SAMD4A: variants seen among roughly 807,000 people sequenced by gnomAD.
SAMD4A encodes sterile alpha motif domain containing 4A, also known as protein Smaug homolog 1.
SAMD4A carries 33 observed loss-of-function variants against 81.3 expected under a neutral mutation model. The observed-to-expected ratio is 0.41, with a 90% CI of 0.31 to 0.54. The LOEUF (loss-of-function observed/expected upper bound fraction) is 0.54. Among genes scored for constraint, SAMD4A ranks in the 20% least tolerant of loss-of-function variants. The pLI, the probability that SAMD4A is intolerant of heterozygous loss-of-function variation, is 0.37. For missense variants in SAMD4A, 854 were observed against 951.1 expected, an observed-to-expected ratio of 0.90 and a Z score of 1.34; for synonymous variants, 389 against 382.1, an observed-to-expected ratio of 1.02 and a Z score of -0.21.
intron 4 of SAMD4A, among the ~76,000 whole-genome samples, chr14:54,742,973 C>T (rs554017384): frequency 5.9e-5 from 9 of 152,264 alleles, no homozygotes; most frequent in East Asian, 1.9e-4. Context: ...TCTGAAATAG[C>T]GGGTTTGGGG....
intron 3 of SAMD4A, among the ~76,000 whole-genome samples, chr14:54,724,011 A>T (rs201859449): frequency 9.2e-5 from 12 of 130,094 alleles, no homozygotes; most frequent in East Asian, 3.2e-4. Context: ...GATGGATGGA[A>T]GGAAGGAAGG....
chr14:54,788,422 C>T (rs1215924716), intron 12 of SAMD4A, among the ~76,000 whole-genome samples: 2 of 152,154 alleles, frequency 1.3e-5, no homozygotes, highest in Non-Finnish European at 2.9e-5. Flanking sequence ...ACCCTCAGCT[C>T]CACCACCGGA....
intron 2 of SAMD4A, among the ~76,000 whole-genome samples, chr14:54,701,640 G>A (rs1433083558): frequency 6.6e-6 from 1 of 152,178 alleles, no homozygotes; most frequent in Non-Finnish European, 1.5e-5. Flanking sequence ...GTCTGGGGGA[G>A]GTGAAGCAGC....
chr14:54,725,525 A>T (rs1365007396), intron 3 of SAMD4A, among the ~76,000 whole-genome samples: 2 of 152,248 alleles, frequency 1.3e-5, no homozygotes, highest in East Asian at 3.8e-4. Context: ...TCTGTGAAAC[A>T]CTATCAAGTA....
chr14:54,786,597 C>G (rs1471136872), intron 12 of SAMD4A, among the ~76,000 whole-genome samples: 2 of 152,182 alleles, frequency 1.3e-5, no homozygotes, highest in East Asian at 3.8e-4. Context: ...CAGTGGCCAG[C>G]TGGGTGGGGG....
In SAMD4A at chr14:54,576,971, G is replaced by T. The variant is rs75870526; in HGVS notation, c.196+8859G>T. Among the ~76,000 whole-genome samples, 10 of 152,350 alleles carry T rather than the reference G, an allele frequency of 6.6e-5. No homozygotes were observed. In the East Asian group the frequency reaches 1.9e-3, roughly 29 times the overall value. Reference sequence around the variant, plus strand: ...CAGAGCCTGAGGCAAGGGCTGGTGTGCGGGTGGCTTATTTTGGGCACTGAT... The same window carrying T: ...CAGAGCCTGAGGCAAGGGCTGGTGTTCGGGTGGCTTATTTTGGGCACTGAT... On this transcript the variant is annotated intron_variant, in intron 2 of 12. Coordinates refer to ENST00000554335, the MANE Select transcript of SAMD4A (RefSeq NM_015589.6).
chr14:54,650,780 TATAA>T lies in SAMD4A; in HGVS notation c.197-51277_197-51274del, dbSNP rs777459445. ...TTCTGTCATCTTGTTTCCCTTTCCC[TATAA>T]ATAATCTATTTTTTCCCACCAGACT... On this transcript the variant is annotated intron_variant, in intron 2 of 12. Transcript: ENST00000554335. 3.9e-5 allele frequency among the ~76,000 whole-genome samples: 6 copies of T among 152,174 alleles called. No individual in the cohort carries two copies. In the East Asian group the frequency reaches 7.7e-4, roughly 20 times the overall value.
At chr14:54,590,080 G>C (rs2033733342) in intron 2 of SAMD4A, among the ~76,000 whole-genome samples, 1 of 152,206 alleles carries the variant, frequency 6.6e-6, no homozygotes. Context: ...TAGTTTGTGG[G>C]ATATAGCAGG....
intron 3 of SAMD4A, among the ~76,000 whole-genome samples, chr14:54,724,007 T>TGGAAGGAAGAAGGAAGGAA (rs1555347508): frequency 8.1e-6 from 1 of 124,176 alleles, no homozygotes; most frequent in East Asian, 2.5e-4. Context: ...GATGGATGGA[T>TGGAAGGAAGAAGGAAGGAA]GGAAGGAAGG....
At position 54,593,222 on chromosome 14, in the gene SAMD4A, T is replaced by A. The variant is rs77356440; in HGVS notation, c.196+25110T>A. Among the ~76,000 whole-genome samples the A allele has an allele frequency of 9.2e-5, 14 of 152,348 alleles. No individual in the cohort carries two copies. In the East Asian group the frequency reaches 2.7e-3, roughly 29 times the overall value. On this transcript the variant is annotated intron_variant, in intron 2 of 12. Coordinates refer to ENST00000554335, the MANE Select transcript of SAMD4A (RefSeq NM_015589.6). Reference sequence around the variant, plus strand: ...TAGATGATTTCTAGTTTTCTATAATTATAGATGCTTATGTTTTTGTTCTTC... The same window carrying A: ...TAGATGATTTCTAGTTTTCTATAATAATAGATGCTTATGTTTTTGTTCTTC...
chr14:54,776,643 A>G, intron 11 of SAMD4A, 103 bp downstream of exon 11: 2 of 1,297,452 alleles, frequency 1.5e-6, no homozygotes, highest in Non-Finnish European at 2.0e-6. Context: ...GTCACCGTGC[A>G]TTCTTTGGAG....
Position 54,719,164 on chromosome 14 carries a change from A to G in SAMD4A, c.715+16584A>G, listed in dbSNP as rs180858202. 2.6e-5 allele frequency among the ~76,000 whole-genome samples: 4 copies of G among 152,192 alleles called. No homozygotes were observed. In the East Asian group the frequency reaches 7.7e-4, roughly 29 times the overall value. On this transcript the variant is annotated intron_variant, in intron 3 of 12. Transcript: ENST00000554335. ...ATTTGAATGGGGCTTTGGCTGGGCT[A>G]TCAGAACTCTAGAGGAAAGGCAACC...
At chr14:54,749,395 A>C (rs544682562) in intron 5 of SAMD4A, among the ~76,000 whole-genome samples, 1 of 152,284 alleles carries the variant, frequency 6.6e-6, no homozygotes, top group South Asian at 2.1e-4. Context: ...CCTGCTTCTA[A>C]CTGGACTGCT....
At chr14:54,595,662 A>G (rs2033893175) in intron 2 of SAMD4A, among the ~76,000 whole-genome samples, 1 of 152,070 alleles carries the variant, frequency 6.6e-6, no homozygotes, top group Non-Finnish European at 1.5e-5. Flanking sequence ...GCAGGGTACT[A>G]AAAGTGTTGA....
At chr14:54,785,648 G>A (rs1483183622) in intron 12 of SAMD4A, among the ~76,000 whole-genome samples, 1 of 152,236 alleles carries the variant, frequency 6.6e-6, no homozygotes, top group African/African-American at 2.4e-5. Context: ...CCTGGCAGTG[G>A]TGGGGAAAAG....
rs149642747 is a variant in SAMD4A at position 54,790,755 on chromosome 14, CTTTT to C, written c.*1818_*1821del. ...AGATCAGACTATGGAAATCACTGCC[CTTTT>C]TTTTTTAAAAGCTAATGAACTACAT... is the stretch of plus-strand genomic sequence containing the variant. On this transcript the variant is annotated 3_prime_UTR_variant, in exon 13 of 13. Transcript: ENST00000554335. The C allele has an allele frequency of 9.6e-5, 14 of 146,428 alleles. No homozygotes were observed. The highest frequency in any genetic ancestry group is 1.5e-4 in the Non-Finnish European group (10 of 66,296). 9.1% of individuals were successfully genotyped at this position (146,428 alleles called of 1,614,324 possible).
chr14:54,675,577 T>A (rs2035977150), intron 2 of SAMD4A, among the ~76,000 whole-genome samples: 1 of 152,204 alleles, frequency 6.6e-6, no homozygotes, highest in South Asian at 2.1e-4. Flanking sequence ...CTTTACTTTG[T>A]TACTAAATGT....
chr14:54,727,487 C>T (rs1450177533), intron 3 of SAMD4A, among the ~76,000 whole-genome samples: 1 of 152,066 alleles, frequency 6.6e-6, no homozygotes, highest in Non-Finnish European at 1.5e-5. Flanking sequence ...CCACACCCAG[C>T]CTTGGGGGCC....
chr14:54,750,270 C>T (rs537722990), intron 5 of SAMD4A, among the ~76,000 whole-genome samples: 2 of 152,136 alleles, frequency 1.3e-5, no homozygotes, highest in African/African-American at 4.8e-5. Flanking sequence ...CAGAAATATA[C>T]CCCCAGTGTT....
Sources: allele counts gnomAD v4.1 joint callset (sites outside exome capture counted in the v4.1 genomes callset), GRCh38; gene constraint gnomAD v4.1.1; transcripts MANE v1.5; gene names NCBI Gene and HGNC (gene_info 2026-07-23, HGNC 2026-07-21).